The following CSMD2 variants were observed in gnomAD, a reference collection of about 807,000 sequenced individuals.
The protein encoded by CSMD2 is CUB and sushi domain-containing protein 2.
A neutral mutation model predicts 398.5 loss-of-function variants in CSMD2; 130 were observed. The observed-to-expected ratio is 0.33, with a 90% CI of 0.28 to 0.38. The LOEUF is 0.38. Ranked by LOEUF, CSMD2 falls within the 10% of genes least tolerant of loss-of-function variation. The probability of loss-of-function intolerance (pLI) is 1.00; values close to 1 mark genes in which losing one functional copy is unlikely to be tolerated. For synonymous variants in CSMD2, 1,828 were observed against 1,908.5 expected (o/e 0.96, Z 1.10); for missense variants, 3,829 against 4,764.9 (o/e 0.80, Z 5.78).
At chr1:33,549,159 T>C (rs1657183865) in intron 56 of CSMD2, among the ~76,000 whole-genome samples, 1 of 152,240 alleles carries the variant, frequency 6.6e-6, no homozygotes, top group Non-Finnish European at 1.5e-5. Context: ...CAGGCTCATC[T>C]GGGAATGTCA....
chr1:33,866,665 C>A (rs750719697), intron 5 of CSMD2, among the ~76,000 whole-genome samples: 11 of 152,204 alleles, frequency 7.2e-5, no homozygotes, highest in African/African-American at 2.7e-4. Context: ...TCACCCCTCA[C>A]GGAGAGCTAT....
chr1:33,555,394 G>A (rs558192392), intron 55 of CSMD2, among the ~76,000 whole-genome samples: 1 of 152,330 alleles, frequency 6.6e-6, no homozygotes, highest in South Asian at 2.1e-4. Context: ...TGAAAATGCT[G>A]TGAACATTGT....
At chr1:34,025,056 C>CCCA (rs1453894191) in intron 3 of CSMD2, among the ~76,000 whole-genome samples, 1 of 152,188 alleles carries the variant, frequency 6.6e-6, no homozygotes, top group East Asian at 1.9e-4. Flanking sequence ...CAACCCTACT[C>CCCA]CCACCTCCAA....
At chr1:34,095,967 T>C (rs1659247979) in intron 1 of CSMD2, among the ~76,000 whole-genome samples, 1 of 152,166 alleles carries the variant, frequency 6.6e-6, no homozygotes, top group Non-Finnish European at 1.5e-5. Context: ...AAAAAGAGAC[T>C]TTTAGACCAA....
At chr1:33,728,702 G>A (rs941592956) in intron 15 of CSMD2, among the ~76,000 whole-genome samples, 2 of 152,186 alleles carry the variant, frequency 1.3e-5, no homozygotes, top group Non-Finnish European at 2.9e-5. Context: ...AAGCTCATGT[G>A]TATCGATAAC....
chr1:34,021,329 C>T (rs558785442), intron 3 of CSMD2, among the ~76,000 whole-genome samples: 1 of 152,198 alleles, frequency 6.6e-6, no homozygotes. Flanking sequence ...CCAACAGGGT[C>T]ACCTGACCCA....
intron 46 of CSMD2, among the ~76,000 whole-genome samples, chr1:33,584,285 G>A (rs1004500506): frequency 2.0e-5 from 3 of 152,196 alleles, no homozygotes; most frequent in African/African-American, 4.8e-5. Flanking sequence ...TAATGGTGTG[G>A]TCTTGAACAA....
chr1:33,840,217 C>T (rs1660712653), intron 6 of CSMD2: 1 of 152,210 alleles, frequency 6.6e-6, no homozygotes, highest in Non-Finnish European at 1.5e-5. Context: ...CAGCTGGAGA[C>T]AATGATGAGA....
chr1:33,971,919 G>C (rs1645785377), intron 3 of CSMD2, among the ~76,000 whole-genome samples: 1 of 152,226 alleles, frequency 6.6e-6, no homozygotes, highest in South Asian at 2.1e-4. Flanking sequence ...CTAAATCACA[G>C]CTCGATACTT....
rs550978137 is a variant in CSMD2 at position 33,854,487 on chromosome 1, G to C, written c.921-7491C>G. On this transcript the variant is annotated intron_variant, in intron 5 of 70. Coordinates refer to ENST00000373381, the MANE Select transcript of CSMD2 (RefSeq NM_001281956.2). Reference sequence around the variant, plus strand: ...CTCCAGTGCCACGCGGGCTTCACCCGGGTTTCCCATGGCACTGCCCACTCC... The same window carrying C: ...CTCCAGTGCCACGCGGGCTTCACCCCGGTTTCCCATGGCACTGCCCACTCC... Among the ~76,000 whole-genome samples the C allele has an allele frequency of 3.6e-3, 545 of 152,308 alleles. 4 individuals carry two copies. The highest frequency in any genetic ancestry group is 0.016 in the South Asian group (79 of 4,828).
intron 44 of CSMD2, among the ~76,000 whole-genome samples, chr1:33,592,867 C>T (rs112247207): frequency 0.049 from 7,409 of 151,668 alleles, 198 homozygotes; most frequent in Middle Eastern, 0.1. Context: ...GAGAATGGTG[C>T]CAACCTGGGA....
chr1:34,029,736 A>G (rs1310076929), intron 3 of CSMD2, among the ~76,000 whole-genome samples: 2 of 152,252 alleles, frequency 1.3e-5, no homozygotes, highest in African/African-American at 4.8e-5. Flanking sequence ...GAAACCCTGC[A>G]ACAGGTGACT....
chr1:34,047,719 A>G (rs1652692571), intron 2 of CSMD2, among the ~76,000 whole-genome samples: 1 of 152,200 alleles, frequency 6.6e-6, no homozygotes, highest in Non-Finnish European at 1.5e-5. Context: ...CACCAGCCTG[A>G]GCTGATCTAA....
At position 33,728,268 on chromosome 1, in the gene CSMD2, G is replaced by A. The variant is rs546513354; in HGVS notation, c.2369-1583C>T. On this transcript the variant is annotated intron_variant, in intron 15 of 70. Coordinates refer to ENST00000373381, the MANE Select transcript of CSMD2 (RefSeq NM_001281956.2). ...AGAGCTACATAGCACTTCTCTCTCT[G>A]CAAAGTTTTGTAGATTTCTCGAGGT... is the stretch of plus-strand genomic sequence containing the variant. Among the ~76,000 whole-genome samples the A allele has an allele frequency of 1.6e-4, 25 of 152,156 alleles. 1 individual carries two copies. The highest frequency in any genetic ancestry group is 1.0e-3 in the Admixed American group (16 of 15,286).
intron 5 of CSMD2, chr1:33,868,872 T>C (rs1347642762): frequency 1.3e-5 from 2 of 152,158 alleles, no homozygotes; most frequent in East Asian, 3.9e-4. Flanking sequence ...TTGAAATGGA[T>C]GGTCAGAAGT....
chr1:33,825,682 C>A lies in CSMD2; in HGVS notation c.1111+15G>T. On this transcript the variant is annotated intron_variant, in intron 7 of 70. Transcript: ENST00000373381. ...GCAAGAGGCCCGGCAGGCGGGCTGG[C>A]GGGCGGACACTTACACACAGACGTC... 6.3e-7 allele frequency: 1 copy of A among 1,584,912 alleles called. No homozygotes were observed. Among genetic ancestry groups the A allele is most frequent in the African/African-American group, 1.3e-5 (1 of 74,386 alleles).
At chr1:33,828,456 T>A (rs2125024079) in intron 6 of CSMD2, among the ~76,000 whole-genome samples, 1 of 152,270 alleles carries the variant, frequency 6.6e-6, no homozygotes, top group East Asian at 1.9e-4. Flanking sequence ...TGGAGATGGC[T>A]CAGGGCACCT....
intron 3 of CSMD2, among the ~76,000 whole-genome samples, chr1:33,952,663 G>C (rs1645042012): frequency 6.7e-6 from 1 of 149,744 alleles, no homozygotes; most frequent in Non-Finnish European, 1.5e-5. Flanking sequence ...TGTGGTTCTT[G>C]TTTTTGTTGT....
At chr1:33,803,727 C>A (rs1245748967) in intron 10 of CSMD2, among the ~76,000 whole-genome samples, 1 of 152,204 alleles carries the variant, frequency 6.6e-6, no homozygotes, top group Non-Finnish European at 1.5e-5. Context: ...ATTTTTCCTA[C>A]TTAGGTAACT....
Sources: allele counts gnomAD v4.1 joint callset (sites outside exome capture counted in the v4.1 genomes callset), GRCh38; gene constraint gnomAD v4.1.1; transcripts MANE v1.5; gene names NCBI Gene and HGNC (gene_info 2026-07-23, HGNC 2026-07-21).